The following FOXP1 variants were observed in gnomAD, a reference collection of about 807,000 sequenced individuals.
FOXP1 encodes the protein forkhead box protein P1.
Under a neutral mutation model 98.2 loss-of-function variants are expected in FOXP1, and 15 were observed. The observed-to-expected ratio is 0.15, with a 90% CI of 0.10 to 0.24. FOXP1 has a LOEUF of 0.24. Among genes scored for constraint, FOXP1 ranks in the 10% least tolerant of loss-of-function variants. FOXP1 has a pLI of 1.00. For synonymous variants in FOXP1, 371 were observed against 314.5 expected (o/e 1.18, Z -1.90); for missense variants, 633 against 848.5 (o/e 0.75, Z 3.15).
chr3:71,344,583 T>A (rs898363160), intron 4 of FOXP1, among the ~76,000 whole-genome samples: 1 of 152,192 alleles, frequency 6.6e-6, no homozygotes, highest in Non-Finnish European at 1.5e-5. Context: ...ACGCCTGTAA[T>A]CCCAGCACTT....
At chr3:71,121,831 G>A (rs1234228956) in intron 6 of FOXP1, among the ~76,000 whole-genome samples, 1 of 152,198 alleles carries the variant, frequency 6.6e-6, no homozygotes, top group East Asian at 1.9e-4. Flanking sequence ...ACTAGATTGT[G>A]TTTAAAAATA....
chr3:71,040,066 T>A (rs986043436), intron 11 of FOXP1, among the ~76,000 whole-genome samples: 1 of 151,854 alleles, frequency 6.6e-6, no homozygotes, highest in African/African-American at 2.4e-5. Flanking sequence ...ACTCATGGTT[T>A]TACACTTGAA....
intron 3 of FOXP1, among the ~76,000 whole-genome samples, chr3:71,380,230 T>G (rs2080036506): frequency 6.6e-6 from 1 of 152,202 alleles, no homozygotes; most frequent in Non-Finnish European, 1.5e-5. Flanking sequence ...GGACCCCTAG[T>G]GGACAGAGGT....
At chr3:71,065,883 A>G (rs1198367250) in intron 7 of FOXP1, 1 of 152,110 alleles carries the variant, frequency 6.6e-6, no homozygotes, top group African/African-American at 2.4e-5. Context: ...GGCTCAACTG[A>G]CACGACTTAA....
chr3:71,449,411 G>A (rs1234616453), intron 3 of FOXP1, among the ~76,000 whole-genome samples: 2 of 152,204 alleles, frequency 1.3e-5, no homozygotes, highest in South Asian at 2.1e-4. Flanking sequence ...GCATTTGTGT[G>A]TGTGTGGCAG....
At chr3:71,567,816 C>CCT (rs1228283528) in intron 2 of FOXP1, 3 of 151,802 alleles carry the variant, frequency 2.0e-5, no homozygotes, top group Admixed American at 6.6e-5. Context: ...CCTGAGGCTG[C>CCT]CTTCAGGTTG....
At chr3:71,289,014 CTCT>C (rs971716222) in intron 5 of FOXP1, among the ~76,000 whole-genome samples, 10 of 124,134 alleles carry the variant, frequency 8.1e-5, no homozygotes, top group African/African-American at 2.5e-4. Context: ...GCTCACAACT[CTCT>C]TCTTATTTAT....
At chr3:71,403,216 TGTCTCTTCCA>T (rs1303631600) in intron 3 of FOXP1, among the ~76,000 whole-genome samples, 1 of 152,220 alleles carries the variant, frequency 6.6e-6, no homozygotes, top group Non-Finnish European at 1.5e-5. Flanking sequence ...GGCGTGTACA[TGTCTCTTCCA>T]GTCTGATGTA....
chr3:71,258,875 G>C (rs1162808126), intron 5 of FOXP1, among the ~76,000 whole-genome samples: 1 of 152,226 alleles, frequency 6.6e-6, no homozygotes, highest in Non-Finnish European at 1.5e-5. Flanking sequence ...GCCGGGTACA[G>C]TGGCTCATGC....
intron 4 of FOXP1, among the ~76,000 whole-genome samples, chr3:71,329,507 C>CCG (rs945261058): frequency 4.0e-5 from 6 of 151,760 alleles, no homozygotes; most frequent in Non-Finnish European, 8.8e-5. Flanking sequence ...GCATAAGCCA[C>CCG]CGCGCCCGGC....
intron 5 of FOXP1, among the ~76,000 whole-genome samples, chr3:71,284,108 T>C (rs534842607): frequency 6.6e-6 from 1 of 152,316 alleles, no homozygotes; most frequent in Non-Finnish European, 1.5e-5. Context: ...CAAAAAAATG[T>C]TGAAACTCTT....
intron 6 of FOXP1, among the ~76,000 whole-genome samples, chr3:71,135,635 T>C (rs2059785981): frequency 6.6e-6 from 1 of 152,154 alleles, no homozygotes; most frequent in South Asian, 2.1e-4. Flanking sequence ...AAAACTTTCA[T>C]TATGTTGCAC....
At chr3:71,125,268 T>G (rs965958531) in intron 6 of FOXP1, among the ~76,000 whole-genome samples, 16 of 152,188 alleles carry the variant, frequency 1.1e-4, no homozygotes, top group African/African-American at 3.4e-4. Context: ...AGAAAGTTTA[T>G]GTAATGTGGT....
intron 6 of FOXP1, among the ~76,000 whole-genome samples, chr3:71,189,113 C>T (rs546763758): frequency 1.3e-5 from 2 of 152,300 alleles, no homozygotes; most frequent in Admixed American, 1.3e-4. Flanking sequence ...TTAATCTATA[C>T]CTCCTAAATG....
Position 71,171,498 on chromosome 3 carries a change from G to C in FOXP1, c.180+26704C>G, listed in dbSNP as rs373798269. Among the ~76,000 whole-genome samples, 35 of 152,286 alleles carry C rather than the reference G, an allele frequency of 2.3e-4. No homozygotes were observed. In the East Asian group the frequency reaches 4.6e-3, roughly 20 times the overall value. On this transcript the variant is annotated intron_variant, in intron 6 of 20. Coordinates refer to ENST00000649528, the MANE Select transcript of FOXP1 (RefSeq NM_001349338.3). ...TAGTACCTTTGTATTCCCGCTCCCG[G>C]CTCTGTCATCCATGGCTTCTCTCTG...
chr3:71,512,721 G>A (rs186550340), intron 2 of FOXP1, among the ~76,000 whole-genome samples: 267 of 152,240 alleles, frequency 1.8e-3, no homozygotes, highest in African/African-American at 6.2e-3. Flanking sequence ...GAACAGAAAG[G>A]GAGTCAACCA....
At chr3:71,496,194 T>C (rs894462269) in intron 2 of FOXP1, among the ~76,000 whole-genome samples, 2 of 152,232 alleles carry the variant, frequency 1.3e-5, no homozygotes, top group African/African-American at 4.8e-5. Context: ...GATGAGGTCA[T>C]GCACTGTCTC....
chr3:71,131,947 C>T (rs1181479662), intron 6 of FOXP1, among the ~76,000 whole-genome samples: 1 of 152,198 alleles, frequency 6.6e-6, no homozygotes, highest in Non-Finnish European at 1.5e-5. Context: ...CACAGTGCTT[C>T]CACGCCTGCC....
chr3:70,959,453 C>T, intron 20 of FOXP1, 62 bp from the exon 21 acceptor site: 1 of 1,600,702 alleles, frequency 6.2e-7, no homozygotes, highest in South Asian at 1.1e-5. Flanking sequence ...CTCAGGTGCA[C>T]TGAAAAGTTT....
Sources: gnomAD v4.1 joint callset for allele counts (sites outside exome capture counted in the v4.1 genomes callset) on GRCh38, gnomAD v4.1.1 for gene constraint, MANE v1.5 for transcripts, NCBI Gene and HGNC (gene_info 2026-07-23, HGNC 2026-07-21) for gene names.